Variants in CCDC33 observed in about 807,000 individuals in gnomAD.
The protein encoded by CCDC33 is coiled-coil domain containing 33.
In CCDC33, 94 loss-of-function variants were observed where a neutral mutation model predicts 91.9. The observed-to-expected ratio is 1.02, with a 90% confidence interval of 0.87 to 1.21. CCDC33 has a LOEUF of 1.21. CCDC33 is among the 50% of genes most tolerant of loss of function. CCDC33 has a pLI of 0.00. For synonymous variants in CCDC33, 396 were observed against 374.5 expected, an observed-to-expected ratio of 1.06 and a Z score of -0.66; for missense variants, 940 against 935.5, an observed-to-expected ratio of 1.00 and a Z score of -0.06.
chr15:74,308,758 G>A (rs1162854742), intron 11 of CCDC33, among the ~76,000 whole-genome samples: 1 of 152,218 alleles, frequency 6.6e-6, no homozygotes, highest in Admixed American at 6.5e-5. Flanking sequence ...CCACAGGGTG[G>A]ACCCTGGGGT....
intron 1 of CCDC33, among the ~76,000 whole-genome samples, chr15:74,241,304 T>C (rs934511708): frequency 6.6e-6 from 1 of 152,200 alleles, no homozygotes; most frequent in Non-Finnish European, 1.5e-5. Context: ...ATTAGCCATC[T>C]TGCTAGGCAA....
chr15:74,280,836 GC>G, intron 9 of CCDC33, 35 bp downstream of exon 9: 1 of 1,419,656 alleles, frequency 7.0e-7, no homozygotes, highest in Non-Finnish European at 9.3e-7. Flanking sequence ...CCCCTAGCGT[GC>G]CCACCTGGCC....
At chr15:74,304,405 TCTC>T (rs1470709179) in intron 11 of CCDC33, 1 of 151,774 alleles carries the variant, frequency 6.6e-6, no homozygotes, top group East Asian at 1.9e-4. Context: ...CTGACCCACT[TCTC>T]CTCCCTCCTT....
At chr15:74,253,264 C>T (rs985723134) in intron 2 of CCDC33, among the ~76,000 whole-genome samples, 1 of 152,182 alleles carries the variant, frequency 6.6e-6, no homozygotes, top group Non-Finnish European at 1.5e-5. Context: ...CCTCCCTGGT[C>T]ATCATGAGCA....
chr15:74,232,343 A>G (rs945998691), upstream of CCDC33, among the ~76,000 whole-genome samples: 1 of 152,166 alleles, frequency 6.6e-6, no homozygotes, highest in Non-Finnish European at 1.5e-5. Flanking sequence ...TTTAGGAAAA[A>G]CAAGAGGGAG....
At chr15:74,267,689 GTT>G (rs2076204331) in intron 4 of CCDC33, among the ~76,000 whole-genome samples, 1 of 150,998 alleles carries the variant, frequency 6.6e-6, no homozygotes, top group South Asian at 2.1e-4. Flanking sequence ...CCTAGACCAA[GTT>G]TGTTGCCTCC....
chr15:74,226,529 G>T (rs2074802409), intron 2 of CCDC33, among the ~76,000 whole-genome samples: 1 of 152,110 alleles, frequency 6.6e-6, no homozygotes, highest in African/African-American at 2.4e-5. Context: ...AGAGTGGGGA[G>T]AATGGTTTTC....
At chr15:74,280,502 T>C (rs2059338296) in intron 8 of CCDC33, among the ~76,000 whole-genome samples, 166 bp from the exon 9 acceptor site, 1 of 152,170 alleles carries the variant, frequency 6.6e-6, no homozygotes, top group Admixed American at 6.5e-5. Flanking sequence ...TAGAGTTGGC[T>C]TTGAGTTCAC....
At chr15:74,227,788 C>T (rs1432323475) in intron 2 of CCDC33, among the ~76,000 whole-genome samples, 1 of 152,166 alleles carries the variant, frequency 6.6e-6, no homozygotes, top group East Asian at 1.9e-4. Context: ...TGTTCCTGAG[C>T]AAGTCATTTT....
At chr15:74,222,578 CCAA>C (rs386785362) in intron 2 of CCDC33, among the ~76,000 whole-genome samples, 18 of 150,008 alleles carry the variant, frequency 1.2e-4, no homozygotes, top group African/African-American at 3.9e-4. Context: ...TTTTTTTCCC[CCAA>C]GGGGAAAAAA....
chr15:74,217,641 C>T (rs1053903290), intron 1 of CCDC33: 9 of 1,148,986 alleles, frequency 7.8e-6, no homozygotes, highest in East Asian at 6.2e-5. Context: ...GCCTGAGTCC[C>T]TTTCTGGGAC....
At chr15:74,271,976 C>G (rs1396923131) in intron 6 of CCDC33, among the ~76,000 whole-genome samples, 182 bp downstream of exon 6, 1 of 152,200 alleles carries the variant, frequency 6.6e-6, no homozygotes, top group Non-Finnish European at 1.5e-5. Context: ...CAGACCATGC[C>G]TTTCTTTCCC....
chr15:74,232,861 C>G (rs774061745), upstream of CCDC33, among the ~76,000 whole-genome samples: 1 of 151,960 alleles, frequency 6.6e-6, no homozygotes, highest in Non-Finnish European at 1.5e-5. Flanking sequence ...CTGGAATGGG[C>G]CAGAGAAGTG....
In CCDC33 at chr15:74,331,238, G is replaced by A; in HGVS notation, c.1713G>A (p.Arg571=). The part of the protein sequence containing the change: ...IEKMERVLED[R]LQDRSKPPPL... ...AGATGGAGCGGGTGCTGGAGGACAG[G>A]CTGCAGGACAGGAGCAAGCCCCCTC... is the stretch of plus-strand genomic sequence containing the variant. Residue 571 remains arginine (R), a synonymous_variant, in exon 15 of 19, where the codon AGG becomes AGA. Transcript: ENST00000398814. 3.1e-6 allele frequency: 5 copies of A among 1,614,144 alleles called. No homozygotes were observed. The highest frequency in any genetic ancestry group is 4.2e-6 in the Non-Finnish European group (5 of 1,179,984).
chr15:74,204,058 C>T (rs567589004), intron 1 of CCDC33, among the ~76,000 whole-genome samples: 19 of 152,328 alleles, frequency 1.2e-4, no homozygotes, highest in Admixed American at 3.3e-4. Context: ...AGCCTGAGTT[C>T]CTCCCCCTTC....
At chr15:74,217,294 C>G in exon 1 of CCDC33, 1 of 1,282,680 alleles carries the variant, frequency 7.8e-7, no homozygotes, top group African/African-American at 1.5e-5. Context: ...GGGCCTGAAC[C>G]CTGGGTCTCT....
intron 11 of CCDC33, among the ~76,000 whole-genome samples, chr15:74,315,856 G>A (rs561761498): frequency 4.1e-4 from 63 of 152,238 alleles, no homozygotes; most frequent in African/African-American, 1.4e-3. Flanking sequence ...GGAGGGGGAG[G>A]GGGACAGGAG....
At chr15:74,214,492 C>T (rs2142130319), upstream of CCDC33, among the ~76,000 whole-genome samples, 1 of 152,296 alleles carries the variant, frequency 6.6e-6, no homozygotes, top group South Asian at 2.1e-4. Flanking sequence ...GGGAGGCAGC[C>T]AGGAGTAGAG....
At position 74,273,789 on chromosome 15, in the gene CCDC33, G is replaced by A. The variant is rs149520284; in HGVS notation, c.759+898G>A. Among the ~76,000 whole-genome samples the A allele has an allele frequency of 8.0e-5, 12 of 150,522 alleles. No individual in the cohort carries two copies. In the East Asian group the frequency reaches 2.4e-3, roughly 30 times the overall value. Reference sequence around the variant, plus strand: ...CAGCGAAAAATTTTTTTTAATCAGAGGAGAGGGATGTAAAGCCTGGATTAG... The same window carrying A: ...CAGCGAAAAATTTTTTTTAATCAGAAGAGAGGGATGTAAAGCCTGGATTAG... On this transcript the variant is annotated intron_variant, in intron 7 of 18. Transcript: ENST00000398814.
Sources: allele counts gnomAD v4.1 joint callset (sites outside exome capture counted in the v4.1 genomes callset), GRCh38; gene constraint gnomAD v4.1.1; transcripts MANE v1.5; gene names NCBI Gene and HGNC (gene_info 2026-07-23, HGNC 2026-07-21).